Variants in PDZRN4 observed in about 807,000 individuals in gnomAD.
PDZRN4 encodes the protein PDZ domain containing ring finger 4, also known as PDZ domain-containing RING finger protein 4.
Under a neutral mutation model 99.0 loss-of-function variants are expected in PDZRN4, and 70 were observed. The observed-to-expected ratio is 0.71, with a 90% CI of 0.58 to 0.86. PDZRN4 has a LOEUF of 0.86. Ranked by LOEUF, PDZRN4 falls within the 40% of genes least tolerant of loss-of-function variation. PDZRN4 has a pLI of 0.00. For synonymous variants in PDZRN4, 551 were observed against 501.6 expected (o/e 1.10, Z -1.32); for missense variants, 1,474 against 1,331.2 (o/e 1.11, Z -1.67).
At chr12:41,439,251 AT>A (rs1952656940) in intron 3 of PDZRN4, among the ~76,000 whole-genome samples, 1 of 152,136 alleles carries the variant, frequency 6.6e-6, no homozygotes, top group South Asian at 2.1e-4. Flanking sequence ...CTTTTGCTTC[AT>A]TTTTTAATAC....
intron 3 of PDZRN4, among the ~76,000 whole-genome samples, chr12:41,283,068 A>C (rs1365353005): frequency 1.4e-5 from 2 of 144,770 alleles, no homozygotes; most frequent in Non-Finnish European, 3.1e-5. Context: ...CCCTCCAAAA[A>C]AATCAATGAA....
chr12:41,331,238 G>T (rs765662973), intron 3 of PDZRN4, among the ~76,000 whole-genome samples: 7 of 152,042 alleles, frequency 4.6e-5, no homozygotes, highest in Non-Finnish European at 8.8e-5. Context: ...TTATTCTACT[G>T]CATTAAGACC....
intron 3 of PDZRN4, among the ~76,000 whole-genome samples, chr12:41,463,619 C>T (rs10785269): frequency 0.15 from 23,482 of 151,878 alleles, 2,212 homozygotes; most frequent in Non-Finnish European, 0.21. Flanking sequence ...TGTAAAGCAC[C>T]ATAAAATAGA....
At chr12:41,332,055 G>A (rs1318829212) in intron 3 of PDZRN4, among the ~76,000 whole-genome samples, 1 of 152,116 alleles carries the variant, frequency 6.6e-6, no homozygotes, top group Non-Finnish European at 1.5e-5. Flanking sequence ...ATATCAGGAA[G>A]TGAGCTTAAT....
chr12:41,389,273 G>A (rs1952193064), intron 3 of PDZRN4, among the ~76,000 whole-genome samples: 1 of 152,100 alleles, frequency 6.6e-6, no homozygotes, highest in Non-Finnish European at 1.5e-5. Context: ...TCTAATTATA[G>A]TTAGTAAATT....
intron 3 of PDZRN4, among the ~76,000 whole-genome samples, chr12:41,202,152 A>C (rs957286757): frequency 6.6e-6 from 1 of 152,134 alleles, no homozygotes; most frequent in Non-Finnish European, 1.5e-5. Context: ...TGAAAAGACC[A>C]AAAGAGCTGG....
chr12:41,332,638 A>G (rs1951747579), intron 3 of PDZRN4, among the ~76,000 whole-genome samples: 1 of 151,730 alleles, frequency 6.6e-6, no homozygotes, highest in African/African-American at 2.4e-5. Context: ...AGTGGGTCCA[A>G]AGCAGAACTC....
chr12:41,573,235 A>G lies in PDZRN4; in HGVS notation c.2456A>G (p.Gln819Arg), dbSNP rs745968099. 1.2e-6 allele frequency: 2 copies of G among 1,614,008 alleles called. No homozygotes were observed. The highest frequency in any genetic ancestry group is 1.3e-5 in the African/African-American group (1 of 74,930). ...KVLEGSKLPD[Q>R]EKAVSEHIPY... ...TTAGAAGGCAGCAAGCTTCCTGATCAAGAGAAGGCAGTCAGCGAACACATC... is the reference window on the plus strand; with the variant it reads ...TTAGAAGGCAGCAAGCTTCCTGATCGAGAGAAGGCAGTCAGCGAACACATC... Residue 819 changes from glutamine (Q) to arginine (R), a missense_variant, in exon 10 of 10, where the codon CAA (glutamine) becomes CGA (arginine). Gln to Arg is a conservative substitution (Grantham distance 43, BLOSUM62 1). Coordinates refer to ENST00000402685, the MANE Select transcript of PDZRN4 (RefSeq NM_001164595.2).
At chr12:41,525,508 T>C (rs1431569455) in intron 5 of PDZRN4, among the ~76,000 whole-genome samples, 1 of 152,182 alleles carries the variant, frequency 6.6e-6, no homozygotes, top group Non-Finnish European at 1.5e-5. Flanking sequence ...TATATATGTA[T>C]GTATATATAA....
intron 5 of PDZRN4, among the ~76,000 whole-genome samples, chr12:41,515,138 A>G (rs1938378642): frequency 1.3e-5 from 2 of 152,036 alleles, no homozygotes; most frequent in Non-Finnish European, 2.9e-5. Flanking sequence ...GGCTCTGTCC[A>G]TCTCTGATCT....
chr12:41,444,392 T>C (rs771692336), intron 3 of PDZRN4, among the ~76,000 whole-genome samples: 6 of 152,100 alleles, frequency 3.9e-5, no homozygotes, highest in East Asian at 1.9e-4. Flanking sequence ...GAGCTCCCTG[T>C]AGCTGGTATT....
At chr12:41,342,794 A>G (rs1951827417) in intron 3 of PDZRN4, among the ~76,000 whole-genome samples, 1 of 151,834 alleles carries the variant, frequency 6.6e-6, no homozygotes, top group Non-Finnish European at 1.5e-5. Context: ...TGAAAAAGAG[A>G]TGGAGTTTTC....
chr12:41,244,965 C>G (rs1951125290), intron 3 of PDZRN4, among the ~76,000 whole-genome samples: 1 of 151,982 alleles, frequency 6.6e-6, no homozygotes, highest in Non-Finnish European at 1.5e-5. Context: ...GCTGGGATTA[C>G]AGGCGTGAGC....
chr12:41,382,341 G>C (rs1156480141), intron 3 of PDZRN4, among the ~76,000 whole-genome samples: 1 of 152,150 alleles, frequency 6.6e-6, no homozygotes, highest in Non-Finnish European at 1.5e-5. Flanking sequence ...TTTGGGTATG[G>C]TCACTGACTA....
intron 3 of PDZRN4, among the ~76,000 whole-genome samples, chr12:41,488,939 G>A (rs775616017): frequency 6.6e-6 from 1 of 152,124 alleles, no homozygotes; most frequent in Non-Finnish European, 1.5e-5. Context: ...TTCTCAAGTA[G>A]ATGTGATCTC....
chr12:41,331,718 G>T (rs1311151306), intron 3 of PDZRN4, among the ~76,000 whole-genome samples: 3 of 152,036 alleles, frequency 2.0e-5, no homozygotes, highest in Non-Finnish European at 2.9e-5. Flanking sequence ...CCATATAGCT[G>T]GGGAGGCCTC....
intron 3 of PDZRN4, among the ~76,000 whole-genome samples, chr12:41,466,582 AG>A (rs1952927624): frequency 6.6e-6 from 1 of 152,034 alleles, no homozygotes; most frequent in Non-Finnish European, 1.5e-5. Flanking sequence ...CACTCTTACT[AG>A]GCTTCTCAGA....
chr12:41,512,731 T>C (rs557512758), intron 5 of PDZRN4, among the ~76,000 whole-genome samples: 17 of 151,806 alleles, frequency 1.1e-4, no homozygotes, highest in African/African-American at 3.6e-4. Flanking sequence ...TGAGAGGGAG[T>C]GGGGTATTGG....
intron 3 of PDZRN4, among the ~76,000 whole-genome samples, chr12:41,223,654 G>T (rs1442728493): frequency 6.6e-6 from 1 of 152,136 alleles, no homozygotes; most frequent in Non-Finnish European, 1.5e-5. Flanking sequence ...GTCTTGAAGT[G>T]GTCACTTAGG....
Sources: gnomAD v4.1 joint callset for allele counts (sites outside exome capture counted in the v4.1 genomes callset) on GRCh38, gnomAD v4.1.1 for gene constraint, MANE v1.5 for transcripts, NCBI Gene and HGNC (gene_info 2026-07-23, HGNC 2026-07-21) for gene names.